The following BAZ2B variants were observed in gnomAD, a reference collection of about 807,000 sequenced individuals.
The protein encoded by BAZ2B is bromodomain adjacent to zinc finger domain protein 2B.
A neutral mutation model predicts 246.0 loss-of-function variants in BAZ2B; 91 were observed. The observed-to-expected ratio is 0.37, with a 90% confidence interval of 0.31 to 0.44. BAZ2B has a LOEUF of 0.44. BAZ2B is among the 20% of genes least tolerant of loss of function. The pLI is 1.00. For synonymous variants in BAZ2B, 855 were observed against 860.0 expected (o/e 0.99, Z 0.10); for missense variants, 2,332 against 2,533.7 (o/e 0.92, Z 1.71).
At chr2:159,358,566 G>A (rs568304382) in intron 27 of BAZ2B, among the ~76,000 whole-genome samples, 1 of 152,114 alleles carries the variant, frequency 6.6e-6, no homozygotes, top group South Asian at 2.1e-4. Context: ...AGACAGAAAG[G>A]TAACAAGAAC....
chr2:159,352,963 G>GTCTCTACAAAAA (rs2058716113), intron 27 of BAZ2B, among the ~76,000 whole-genome samples: 3 of 152,188 alleles, frequency 2.0e-5, no homozygotes, highest in Admixed American at 6.5e-5. Context: ...AACATAGTGA[G>GTCTCTACAAAAA]ATCCTGTCTC....
chr2:159,696,834 G>A, the BAZ2B span, among the ~76,000 whole-genome samples: 184 of 152,312 alleles, frequency 1.2e-3, 1 homozygote, highest in African/African-American at 4.2e-3. Context: ...CACCCAGGCT[G>A]GAGTGCAGTG....
chr2:159,633,386 T>G, the BAZ2B span, among the ~76,000 whole-genome samples: 27 of 152,184 alleles, frequency 1.8e-4, no homozygotes, highest in Admixed American at 3.3e-4. Flanking sequence ...CTACTTTTTC[T>G]GGGTAGAGAC....
intron 3 of BAZ2B, among the ~76,000 whole-genome samples, chr2:159,471,192 T>C (rs550580253): frequency 1.8e-4 from 27 of 152,050 alleles, no homozygotes; most frequent in African/African-American, 5.8e-4. Context: ...CTGCTGTGAG[T>C]TGGGATGTGT....
At chr2:159,669,350 G>T in the BAZ2B span, among the ~76,000 whole-genome samples, 2 of 151,984 alleles carry the variant, frequency 1.3e-5, no homozygotes, top group Non-Finnish European at 2.9e-5. Flanking sequence ...TTGTTTTATT[G>T]TCTATCACAT....
intron 8 of BAZ2B, among the ~76,000 whole-genome samples, chr2:159,437,216 A>G (rs1053254621): frequency 1.3e-5 from 2 of 152,214 alleles, no homozygotes; most frequent in African/African-American, 4.8e-5. Context: ...GGCTGATTCT[A>G]GAATAAAAAG....
At chr2:159,385,055 A>C in intron 23 of BAZ2B, 100 bp downstream of exon 23, 1 of 1,178,620 alleles carries the variant, frequency 8.5e-7, no homozygotes, top group Non-Finnish European at 1.2e-6. Context: ...TCTTTGTGCT[A>C]GTCTGTAACT....
intron 1 of BAZ2B, among the ~76,000 whole-genome samples, chr2:159,568,476 T>C (rs985126126): frequency 6.6e-6 from 1 of 152,158 alleles, no homozygotes; most frequent in African/African-American, 2.4e-5. Flanking sequence ...TTTGTACTTA[T>C]ATGTAATTTA....
Position 159,350,331 on chromosome 2 carries a change from CTCTT to C in BAZ2B, c.4236_4239del (p.Arg1413LysfsTer3). On this transcript the variant is annotated frameshift_variant, in exon 28 of 37. Transcript: ENST00000392783. LOFTEE classifies it high-confidence loss of function. ...ACACTTTCTGCCTTTTTCAGTTTTT[CTCTT>C]TCTTTTGCAATTTCTTCTAGTCCTA... 6.4e-7 allele frequency: 1 copy of C among 1,563,152 alleles called. No individual in the cohort carries two copies. The highest frequency in any genetic ancestry group is 8.6e-7 in the Non-Finnish European group (1 of 1,159,670).
At chr2:159,484,994 T>C (rs151277479) in intron 2 of BAZ2B, among the ~76,000 whole-genome samples, 1 of 152,312 alleles carries the variant, frequency 6.6e-6, no homozygotes, top group East Asian at 1.9e-4. Flanking sequence ...GCAGATTCAG[T>C]GAGTCCTTAC....
At chr2:159,710,409 T>C in the BAZ2B span, among the ~76,000 whole-genome samples, 9 of 152,130 alleles carry the variant, frequency 5.9e-5, no homozygotes, top group Admixed American at 5.9e-4. Context: ...AGGGTTTCAC[T>C]GTGTTAGCCA....
chr2:159,524,396 G>A (rs72950416), intron 2 of BAZ2B, among the ~76,000 whole-genome samples: 40,913 of 152,176 alleles, frequency 0.27, 6,938 homozygotes, highest in Non-Finnish European at 0.38. Context: ...CAAGGCTGCA[G>A]TGAGCTGTGA....
chr2:159,629,568 A>G, the BAZ2B span, among the ~76,000 whole-genome samples: 3 of 152,034 alleles, frequency 2.0e-5, no homozygotes, highest in African/African-American at 7.2e-5. Context: ...GCAAACTAAC[A>G]CAAGAACAGA....
At position 159,336,985 on chromosome 2, in the gene BAZ2B, T is replaced by C; in HGVS notation, c.5753A>G (p.Gln1918Arg). 6.2e-7 allele frequency: 1 copy of C among 1,610,950 alleles called. No homozygotes were observed. The highest frequency in any genetic ancestry group is 8.5e-7 in the Non-Finnish European group (1 of 1,177,496). ...SAAQVALCIQ[Q>R]LQKSIAWEKS... ...TTCCCATGCTATTGATTTCTGTAAT[T>C]GCTGAATGCACAGAGCTACCTGTGC... The change falls in exon 33 of 37, where the codon CAA becomes CGA. Residue 1918 changes from glutamine (Q) to arginine (R), a missense_variant. Gln to Arg is a conservative substitution (Grantham distance 43, BLOSUM62 1). Coordinates refer to ENST00000392783, the MANE Select transcript of BAZ2B (RefSeq NM_013450.4).
At chr2:159,429,629 C>T (rs1013025407) in intron 10 of BAZ2B, among the ~76,000 whole-genome samples, 3 of 152,022 alleles carry the variant, frequency 2.0e-5, no homozygotes, top group African/African-American at 2.4e-5. Context: ...TTTTTGGATG[C>T]TGAAAAATTT....
the BAZ2B span, among the ~76,000 whole-genome samples, chr2:159,682,564 G>T: frequency 1.3e-5 from 2 of 152,170 alleles, no homozygotes; most frequent in African/African-American, 2.4e-5. Flanking sequence ...ATGGAGTGCA[G>T]AATGGAGAAT....
intron 1 of BAZ2B, among the ~76,000 whole-genome samples, chr2:159,608,578 T>C (rs965142167): frequency 6.6e-6 from 1 of 152,150 alleles, no homozygotes; most frequent in African/African-American, 2.4e-5. Flanking sequence ...CTTCCTTTAT[T>C]CTGTGATGAG....
the BAZ2B span, among the ~76,000 whole-genome samples, chr2:159,702,337 T>C: frequency 3.3e-5 from 5 of 152,216 alleles, no homozygotes; most frequent in African/African-American, 1.2e-4. Context: ...GAGTAAACAC[T>C]AGCAGTTTTT....
At chr2:159,317,964 A>T (rs927888478), downstream of BAZ2B, among the ~76,000 whole-genome samples, 1 of 152,178 alleles carries the variant, frequency 6.6e-6, no homozygotes, top group African/African-American at 2.4e-5. Context: ...AACAATGAAG[A>T]CACCAGTCCG....
Sources: gnomAD v4.1 joint callset for allele counts (sites outside exome capture counted in the v4.1 genomes callset) on GRCh38, gnomAD v4.1.1 for gene constraint, MANE v1.5 for transcripts, NCBI Gene and HGNC (gene_info 2026-07-23, HGNC 2026-07-21) for gene names.